Variants in IMPDH2 observed in about 807,000 individuals in gnomAD.
IMPDH2 encodes inosine monophosphate dehydrogenase 2, also known as inosine-5'-monophosphate dehydrogenase 2.
In IMPDH2, 33 loss-of-function variants were observed where a neutral mutation model predicts 57.8. That is an observed-to-expected ratio of 0.57 (90% CI 0.43 to 0.76). The LOEUF (loss-of-function observed/expected upper bound fraction) is 0.76. Ranked by LOEUF, IMPDH2 falls within the 30% of genes least tolerant of loss-of-function variation. The pLI is 0.00. For missense variants in IMPDH2, 446 were observed against 659.1 expected, an observed-to-expected ratio of 0.68 and a Z score of 3.54; for synonymous variants, 270 against 241.3, an observed-to-expected ratio of 1.12 and a Z score of -1.10.
chr3:49,027,982 A>C (rs1216773224), intron 4 of IMPDH2, 66 bp from the exon 5 acceptor site: 1 of 1,233,858 alleles, frequency 8.1e-7, no homozygotes, highest in East Asian at 2.5e-5. Flanking sequence ...CTTGATCTGA[A>C]GCATGGGGTC....
At position 49,028,546 on chromosome 3, in the gene IMPDH2, C is replaced by A. The variant is rs184172327; in HGVS notation, c.148-14G>T. 1.1e-3 allele frequency: 1,756 copies of A among 1,598,980 alleles called. 1 individual carries two copies. The highest frequency in any genetic ancestry group is 2.1e-3 in the Admixed American group (125 of 59,998). ...AGAAGTCAGGTCCTGAGGAGACAAACGTCAACCAGTGTGGGAAAGCATCCC... is the reference window on the plus strand; with the variant it reads ...AGAAGTCAGGTCCTGAGGAGACAAAAGTCAACCAGTGTGGGAAAGCATCCC... On this transcript the variant is annotated splice_polypyrimidine_tract_variant and intron_variant, in intron 2 of 13. Transcript: ENST00000326739.
Position 49,029,382 on chromosome 3 carries a change from A to C in IMPDH2, c.-32T>G, listed in dbSNP as rs1306287153. The C allele has an allele frequency of 1.4e-6, 2 of 1,459,546 alleles. No individual in the cohort carries two copies. Among genetic ancestry groups the C allele is most frequent in the Admixed American group, 3.9e-5 (2 of 51,868 alleles). The allele number at this position is 1,459,546 out of a possible 1,614,324, so 90.4% of individuals were successfully genotyped here. ...CACAGGACACCGCCGCGTGTCTCCGAGGACCGCGCCGCAGAGACCTCTGCC... is the reference window on the plus strand; with the variant it reads ...CACAGGACACCGCCGCGTGTCTCCGCGGACCGCGCCGCAGAGACCTCTGCC... On this transcript the variant is annotated 5_prime_UTR_variant, in exon 1 of 14. Coordinates refer to ENST00000326739, the MANE Select transcript of IMPDH2 (RefSeq NM_000884.3).
Position 49,029,294 on chromosome 3 carries a change from T to A in IMPDH2, c.57A>T (p.Thr19=). ...GTSYVPDDGL[T]AQQLFNCGDG... Reference sequence around the variant, plus strand: ...CTCCGCAGTTGAAGAGCTGCTGTGCTGTGAGTCCGTCGTCTGGCACGTAGG... The same window carrying A: ...CTCCGCAGTTGAAGAGCTGCTGTGCAGTGAGTCCGTCGTCTGGCACGTAGG... The change falls in exon 1 of 14, where the codon ACA becomes ACT. Residue 19 remains threonine (T), a synonymous_variant. Transcript: ENST00000326739. The A allele has an allele frequency of 6.2e-7, 1 of 1,608,430 alleles. No individual in the cohort carries two copies. The highest frequency in any genetic ancestry group is 1.1e-5 in the South Asian group (1 of 89,986).
rs936958196 is a variant in IMPDH2, at chr3:49,027,719, G to T, written c.522C>A (p.Phe174Leu). ...TGCCAGTGGCACCCACCTCTTCCAAGAAACAGTCATGTTCCTCCTCTTTGA... is the reference window on the plus strand; with the variant it reads ...TGCCAGTGGCACCCACCTCTTCCAATAAACAGTCATGTTCCTCCTCTTTGA... ...DFLKEEEHDCFLEEIMTKRED... is the reference protein window; with the variant it reads ...DFLKEEEHDCLLEEIMTKRED... The change falls in exon 5 of 14, where the codon TTC (phenylalanine) becomes TTA (leucine). Residue 174 changes from phenylalanine (F) to leucine (L), a missense_variant. Physicochemically the swap from Phe to Leu is conservative, Grantham distance 22. Coordinates refer to ENST00000326739, the MANE Select transcript of IMPDH2 (RefSeq NM_000884.3). 3 of 1,613,942 alleles carry T rather than the reference G, an allele frequency of 1.9e-6. No homozygotes were observed. Among genetic ancestry groups the T allele is most frequent in the South Asian group, 1.1e-5 (1 of 91,088 alleles).
At chr3:49,028,559 G>C in intron 2 of IMPDH2, 27 bp from the exon 3 acceptor site, 3 of 1,573,268 alleles carry the variant, frequency 1.9e-6, no homozygotes, top group Non-Finnish European at 1.7e-6. Context: ...CAACCAGTGT[G>C]GGAAAGCATC....
intron 4 of IMPDH2, 143 bp from the exon 5 acceptor site, chr3:49,028,059 G>T: frequency 1.3e-6 from 1 of 793,958 alleles, no homozygotes; most frequent in Non-Finnish European, 2.1e-6. Flanking sequence ...AGAGACATGG[G>T]TAGGCTGGAG....
At position 49,029,371 on chromosome 3, in the gene IMPDH2, G is replaced by C. The variant is rs768940524; in HGVS notation, c.-21C>G. 2.6e-6 allele frequency: 4 copies of C among 1,527,604 alleles called. No homozygotes were observed. The highest frequency in any genetic ancestry group is 1.4e-5 in the African/African-American group (1 of 73,520). 94.6% of individuals were successfully genotyped at this position (1,527,604 alleles called of 1,614,324 possible). A position where few individuals can be genotyped will look rare whatever the true frequency, so the allele number is the denominator to read the frequency against. On this transcript the variant is annotated 5_prime_UTR_variant, in exon 1 of 14. Coordinates refer to ENST00000326739, the MANE Select transcript of IMPDH2 (RefSeq NM_000884.3). ...GCCATGGCCAACACAGGACACCGCC[G>C]CGTGTCTCCGAGGACCGCGCCGCAG...
chr3:49,025,353 C>A, intron 9 of IMPDH2, 84 bp from the exon 10 acceptor site: 1 of 1,482,878 alleles, frequency 6.7e-7, no homozygotes, highest in Non-Finnish European at 9.4e-7. Flanking sequence ...GACCCAGGAG[C>A]TTTTGGCTAC....
chr3:49,025,398 G>A, intron 9 of IMPDH2, 129 bp from the exon 10 acceptor site: 1 of 964,040 alleles, frequency 1.0e-6, no homozygotes, highest in Non-Finnish European at 1.6e-6. Flanking sequence ...CTGAGGAACA[G>A]ACGTGTCTGG....
intron 5 of IMPDH2, among the ~76,000 whole-genome samples, chr3:49,027,443 C>G (rs2093204345): frequency 2.0e-5 from 3 of 152,186 alleles, no homozygotes; most frequent in African/African-American, 7.2e-5. Context: ...AACACAGGAA[C>G]AATGGCAAGA....
chr3:49,026,013 T>C (rs535859682), intron 9 of IMPDH2: 5 of 501,088 alleles, frequency 1.0e-5, no homozygotes, highest in Admixed American at 2.3e-5. Context: ...CCCGTGACAG[T>C]AGAAGGGCAT....
At position 49,029,370 on chromosome 3, in the gene IMPDH2, C is replaced by T; in HGVS notation, c.-20G>A. 6.5e-7 allele frequency: 1 copy of T among 1,528,304 alleles called. No homozygotes were observed. The highest frequency in any genetic ancestry group is 8.9e-7 in the Non-Finnish European group (1 of 1,119,084). 94.7% of individuals were successfully genotyped at this position (1,528,304 alleles called of 1,614,324 possible). The stretch of plus-strand genomic sequence containing the variant: ...GGCCATGGCCAACACAGGACACCGC[C>T]GCGTGTCTCCGAGGACCGCGCCGCA... On this transcript the variant is annotated 5_prime_UTR_variant, in exon 1 of 14. Coordinates refer to ENST00000326739, the MANE Select transcript of IMPDH2 (RefSeq NM_000884.3).
chr3:49,026,081 CAG>C (rs998114745), intron 9 of IMPDH2: 10 of 627,656 alleles, frequency 1.6e-5, no homozygotes, highest in African/African-American at 1.3e-4. Flanking sequence ...ATAAAACAAA[CAG>C]ACCAGAGTTT....
rs1394197728 is a variant in IMPDH2, at chr3:49,024,402, T to C, written c.1526A>G (p.Tyr509Cys). 1.9e-6 allele frequency: 3 copies of C among 1,613,784 alleles called. No individual in the cohort carries two copies. Among genetic ancestry groups the C allele is most frequent in the Non-Finnish European group, 2.5e-6 (3 of 1,179,996 alleles). ...CCCTTTTCAGAAAAGCCGCTTCTCA[T>C]ACCTGCAGGCAGAAGGACCACCTGT... ...VEGGVHSLHS[Y>C]EKRLF Residue 509 changes from tyrosine to cysteine, a missense_variant and splice_region_variant, in exon 14 of 14, where the codon TAT becomes TGT. Physicochemically the swap from Tyr to Cys is radical, Grantham distance 194 (BLOSUM62 -2). Transcript: ENST00000326739.
Position 49,028,237 on chromosome 3 carries a change from G to T in IMPDH2, c.324+11C>A, listed in dbSNP as rs1302387735. ...CCAGGAGCGCTTGCTAATGATCGTT[G>T]CCCTTCTGACCTTCACTTTCCGAAC... On this transcript the variant is annotated intron_variant, in intron 4 of 13. Coordinates refer to ENST00000326739, the MANE Select transcript of IMPDH2 (RefSeq NM_000884.3). The T allele has an allele frequency of 6.2e-7, 1 of 1,609,304 alleles. No individual in the cohort carries two copies. The highest frequency in any genetic ancestry group is 1.1e-5 in the South Asian group (1 of 90,988).
At chr3:49,026,006 G>A (rs1028324206) in intron 9 of IMPDH2, 3 of 492,354 alleles carry the variant, frequency 6.1e-6, no homozygotes, top group Admixed American at 4.6e-5. Context: ...ATAGCAACCC[G>A]TGACAGTAGA....
At chr3:49,027,621 A>G in intron 5 of IMPDH2, 89 bp downstream of exon 5, 1 of 1,071,492 alleles carries the variant, frequency 9.3e-7, no homozygotes, top group Non-Finnish European at 1.4e-6. Context: ...CAGAGAGAAG[A>G]GGCTATCAGA....
intron 4 of IMPDH2, 142 bp downstream of exon 4, chr3:49,028,106 A>C: frequency 1.2e-6 from 1 of 826,558 alleles, no homozygotes; most frequent in Non-Finnish European, 2.0e-6. Flanking sequence ...TGCTTTAAGA[A>C]ACAGAATCTC....
chr3:49,028,902 G>A (rs533654531), intron 1 of IMPDH2, 96 bp from the exon 2 acceptor site: 2 of 945,770 alleles, frequency 2.1e-6, no homozygotes, highest in African/African-American at 1.6e-5. Flanking sequence ...ACGCATGTGA[G>A]CAGAGAGTGG....
Sources: gnomAD v4.1 joint callset for allele counts (sites outside exome capture counted in the v4.1 genomes callset) on GRCh38, gnomAD v4.1.1 for gene constraint, MANE v1.5 for transcripts, NCBI Gene and HGNC (gene_info 2026-07-23, HGNC 2026-07-21) for gene names.